TRERF1: variants seen among roughly 807,000 people sequenced by gnomAD.
TRERF1 encodes transcriptional regulating factor 1.
In TRERF1, 27 loss-of-function variants were observed where a neutral mutation model predicts 122.9. That is an observed-to-expected ratio of 0.22 (90% CI 0.16 to 0.30). The LOEUF (loss-of-function observed/expected upper bound fraction) is 0.30, where lower values mean the gene tolerates loss of function less well. Among genes scored for constraint, TRERF1 ranks in the 10% least tolerant of loss-of-function variants. The probability of loss-of-function intolerance (pLI) is 1.00; values close to 1 mark genes in which losing one functional copy is unlikely to be tolerated. For synonymous variants in TRERF1, 636 were observed against 641.7 expected (o/e 0.99, Z 0.13); for missense variants, 1,248 against 1,560.3 (o/e 0.80, Z 3.37).
chr6:42,424,958 A>G (rs1243087997), intron 2 of TRERF1, among the ~76,000 whole-genome samples: 1 of 152,222 alleles, frequency 6.6e-6, no homozygotes, highest in East Asian at 1.9e-4. Context: ...TGTTGAATTA[A>G]TGAATGCACG....
intron 3 of TRERF1, among the ~76,000 whole-genome samples, chr6:42,344,180 C>T (rs1201045219): frequency 1.3e-5 from 2 of 152,200 alleles, no homozygotes; most frequent in African/African-American, 4.8e-5. Flanking sequence ...GCTCCATGCC[C>T]CCACTATTGT....
At chr6:42,257,644 A>G (rs936093409) in intron 10 of TRERF1, among the ~76,000 whole-genome samples, 8 of 152,218 alleles carry the variant, frequency 5.3e-5, no homozygotes, top group Admixed American at 5.2e-4. Flanking sequence ...TCCTGACTCA[A>G]TCTACTCACC....
chr6:42,329,623 A>G (rs1414508389), intron 3 of TRERF1, among the ~76,000 whole-genome samples: 1 of 152,132 alleles, frequency 6.6e-6, no homozygotes, highest in Non-Finnish European at 1.5e-5. Flanking sequence ...ATATAGATAT[A>G]AAGGAAGTTC....
At chr6:42,321,110 T>C (rs919336793) in intron 3 of TRERF1, among the ~76,000 whole-genome samples, 12 of 147,150 alleles carry the variant, frequency 8.2e-5, no homozygotes, top group African/African-American at 3.1e-4. Flanking sequence ...GCACCCTTCA[T>C]AGGTGGCTCA....
At chr6:42,231,823 C>T (rs1240232327) in intron 17 of TRERF1, among the ~76,000 whole-genome samples, 3 of 152,160 alleles carry the variant, frequency 2.0e-5, no homozygotes, top group East Asian at 1.9e-4. Flanking sequence ...GGTCTGCATT[C>T]GGACAAAACT....
At chr6:42,287,192 A>G (rs1783404627) in intron 4 of TRERF1, among the ~76,000 whole-genome samples, 1 of 147,508 alleles carries the variant, frequency 6.8e-6, no homozygotes, top group Admixed American at 6.7e-5. Flanking sequence ...ACCTAATGCT[A>G]GATGACGAGT....
At chr6:42,363,532 G>A (rs1026507958) in intron 2 of TRERF1, among the ~76,000 whole-genome samples, 56 of 152,206 alleles carry the variant, frequency 3.7e-4, no homozygotes, top group Middle Eastern at 3.4e-3. Flanking sequence ...CTATAACCAT[G>A]TCTTGGGGGT....
At position 42,371,085 on chromosome 6, in the gene TRERF1, G is replaced by A. The variant is rs866852163; in HGVS notation, c.-453-8006C>T. On this transcript the variant is annotated intron_variant, in intron 2 of 17. Coordinates refer to ENST00000372922, the Ensembl canonical transcript of TRERF1. ...CGGTGGGATTCTCCACAGTCCCCAC[G>A]GCTCCCTAATGTTTTACAAGGCAGT... Among the ~76,000 whole-genome samples the A allele has an allele frequency of 6.6e-5, 10 of 152,120 alleles. No homozygotes were observed. The South Asian group carries it at 1.4e-3, about 22-fold the overall frequency.
intron 5 of TRERF1, 139 bp from the exon 6 acceptor site, chr6:42,265,936 T>C: frequency 1.2e-6 from 1 of 843,246 alleles, no homozygotes; most frequent in South Asian, 1.5e-5. Context: ...ACCCCATTCA[T>C]GTCCACTCAC....
At chr6:42,448,933 AAAAG>A (rs1373079123) in intron 2 of TRERF1, among the ~76,000 whole-genome samples, 5 of 152,252 alleles carry the variant, frequency 3.3e-5, no homozygotes, top group African/African-American at 9.6e-5. Context: ...AAGAAGGAGA[AAAAG>A]AAAATCATAA....
At chr6:42,364,652 G>A (rs930684788) in intron 2 of TRERF1, among the ~76,000 whole-genome samples, 2 of 152,218 alleles carry the variant, frequency 1.3e-5, no homozygotes, top group Non-Finnish European at 2.9e-5. Flanking sequence ...CATGGAAGCC[G>A]TGGGTGACCT....
chr6:42,286,163 C>T (rs918159654), intron 4 of TRERF1, among the ~76,000 whole-genome samples: 142 of 147,300 alleles, frequency 9.6e-4, no homozygotes, highest in African/African-American at 2.9e-3. Context: ...AAGACTTAAA[C>T]GTTAGACCTA....
Position 42,228,805 on chromosome 6 carries a change from C to T in TRERF1, c.3279-136G>A, listed in dbSNP as rs1361122632. On this transcript the variant is annotated intron_variant, in intron 17 of 17. Transcript: ENST00000372922. The surrounding 1 kb of genome is among the most constrained non-coding windows in gnomAD (Gnocchi z 4.2). ...GCTCGGCTTCTAGGACCTCCTTCCC[C>T]TGTGACCTGTCACCTCTCTTCCTTC... The T allele has an allele frequency of 7.6e-6, 6 of 792,122 alleles. No homozygotes were observed. In the African/African-American group the frequency reaches 1.0e-4, roughly 14 times the overall value. 49.1% of individuals were successfully genotyped at this position (792,122 alleles called of 1,614,324 possible). A position where few individuals can be genotyped will look rare whatever the true frequency, so the allele number is the denominator to read the frequency against.
In TRERF1 at chr6:42,269,062, G is replaced by T; in HGVS notation, c.529C>A (p.Pro177Thr). Residue 177 changes from proline (P) to threonine (T), a missense_variant, in exon 5 of 18, where the codon CCT (proline) becomes ACT (threonine). By Grantham distance (38) the Pro-to-Thr change is conservative. This residue lies in a region of TRERF1 where 946 missense variants were observed against 1,073.0 expected (regional missense o/e 0.88). Coordinates refer to ENST00000372922, the Ensembl canonical transcript of TRERF1. This position sits in a 1 kb window ranked among gnomAD's most constrained non-coding sequence, Gnocchi z 4.9. ...AGCAGCTGGCGGAGAGCACTGTCAG[G>T]GGCTCCATCCATCACTGCTGACTGA... The T allele has an allele frequency of 6.2e-7, 1 of 1,614,182 alleles. No homozygotes were observed. Among genetic ancestry groups the T allele is most frequent in the Non-Finnish European group, 8.5e-7 (1 of 1,180,036 alleles).
chr6:42,272,480 G>A (rs1339926412), intron 4 of TRERF1, among the ~76,000 whole-genome samples: 3 of 152,320 alleles, frequency 2.0e-5, no homozygotes, highest in Non-Finnish European at 1.5e-5. Flanking sequence ...AGGTCCCCTG[G>A]GAGCTGGTTA....
chr6:42,366,979 C>T (rs1286502202), intron 2 of TRERF1, among the ~76,000 whole-genome samples: 1 of 152,152 alleles, frequency 6.6e-6, no homozygotes, highest in African/African-American at 2.4e-5. Flanking sequence ...TCTGCCCAAA[C>T]CAGGGGCAAC....
intron 3 of TRERF1, among the ~76,000 whole-genome samples, chr6:42,358,092 T>G (rs1039028227): frequency 3.3e-5 from 5 of 151,720 alleles, no homozygotes; most frequent in Admixed American, 3.3e-4. Context: ...GGGTTGGGGG[T>G]GGGGTTGGCA....
Position 42,285,931 on chromosome 6 carries a change from G to C in TRERF1, c.-259+14707C>G, listed in dbSNP as rs576250816. On this transcript the variant is annotated intron_variant, in intron 4 of 17. Transcript: ENST00000372922. ...CAGTAACCAAAACAGCATGGTACTG[G>C]TACCAAAACAGAGATATAGATCAAT... Among the ~76,000 whole-genome samples, 9 of 151,170 alleles carry C rather than the reference G, an allele frequency of 6.0e-5. No homozygotes were observed. The East Asian group carries it at 1.6e-3, about 26-fold the overall frequency.
chr6:42,439,436 C>T (rs992696570), intron 2 of TRERF1, among the ~76,000 whole-genome samples: 4 of 152,044 alleles, frequency 2.6e-5, no homozygotes, highest in African/African-American at 7.2e-5. Flanking sequence ...AGCTGAAAGT[C>T]GGCTGGGCAC....
Sources: gnomAD v4.1 joint callset for allele counts (sites outside exome capture counted in the v4.1 genomes callset) on GRCh38, gnomAD v4.1.1 for gene constraint, gnomAD v4.1.1 regional missense constraint, Gnocchi (gnomAD v3.1) non-coding constraint, MANE v1.5 for transcripts, NCBI Gene and HGNC (gene_info 2026-07-23, HGNC 2026-07-21) for gene names.